The following C2CD5 variants were observed in gnomAD, a reference collection of about 807,000 sequenced individuals.
C2CD5 encodes the protein C2 calcium dependent domain containing 5.
Under a neutral mutation model 130.3 loss-of-function variants are expected in C2CD5, and 109 were observed. The observed-to-expected ratio is 0.84, with a 90% CI of 0.72 to 0.98. The LOEUF (loss-of-function observed/expected upper bound fraction) is 0.98. Ranked by LOEUF, C2CD5 falls within the 50% of genes least tolerant of loss-of-function variation. The pLI is 0.00. For missense variants in C2CD5, 996 were observed against 1,261.8 expected (o/e 0.79, Z 3.19); for synonymous variants, 454 against 429.2 (o/e 1.06, Z -0.71).
chr12:22,456,093 CTAGGCGCAGGAT>C (rs1171478578), intron 25 of C2CD5, among the ~76,000 whole-genome samples: 1 of 152,180 alleles, frequency 6.6e-6, no homozygotes, highest in Non-Finnish European at 1.5e-5. Context: ...AGCTACTGTG[CTAGGCGCAGGAT>C]GGTGAGTATG....
At chr12:22,472,922 T>C (rs1022636566) in intron 16 of C2CD5, 115 bp from the exon 17 acceptor site, 1 of 656,164 alleles carries the variant, frequency 1.5e-6, no homozygotes, top group Non-Finnish European at 2.7e-6. Context: ...TAAGTAAAAA[T>C]ATGTAACAAG....
In C2CD5 at chr12:22,529,305, GAGAA is replaced by G. The variant is rs1227990889; in HGVS notation, c.178-1417_178-1414del. Among the ~76,000 whole-genome samples, 50 of 152,238 alleles carry G rather than the reference GAGAA, an allele frequency of 3.3e-4. 1 individual carries two copies. The highest frequency in any genetic ancestry group is 1.1e-3 in the African/African-American group (46 of 41,550). The stretch of plus-strand genomic sequence containing the variant: ...ATTGTTATGTATACATTTAACAGAA[GAGAA>G]AGAATCATAAACCAAACCATTAACC... On this transcript the variant is annotated intron_variant, in intron 3 of 26. Transcript: ENST00000446597.
chr12:22,471,919 T>C (rs749643160), intron 19 of C2CD5, 48 bp downstream of exon 19: 1 of 1,026,782 alleles, frequency 9.7e-7, no homozygotes, highest in South Asian at 1.3e-5. Flanking sequence ...CACTTAAAAT[T>C]TCATTATTAT....
chr12:22,463,862 A>AT (rs1318338007), intron 22 of C2CD5: 1 of 152,208 alleles, frequency 6.6e-6, no homozygotes, highest in Non-Finnish European at 1.5e-5. Context: ...GGCAGATTAA[A>AT]ATATATGCAG....
At chr12:22,519,562 C>T (rs7313174) in intron 7 of C2CD5, among the ~76,000 whole-genome samples, 27,545 of 151,864 alleles carry the variant, frequency 0.18, 5,199 homozygotes, top group African/African-American at 0.48. Flanking sequence ...ACATATTTGT[C>T]ATTATTTTCA....
At position 22,454,016 on chromosome 12, in the gene C2CD5, A is replaced by C; in HGVS notation, c.2904T>G (p.His968Gln). 6.2e-7 allele frequency: 1 copy of C among 1,613,784 alleles called. No individual in the cohort carries two copies. Among genetic ancestry groups the C allele is most frequent in the Non-Finnish European group, 8.5e-7 (1 of 1,179,786 alleles). The change falls in exon 26 of 27, where the codon CAT (histidine) becomes CAG (glutamine). Residue 968 changes from histidine (H) to glutamine (Q), a missense_variant. By Grantham distance (24) the His-to-Gln change is conservative. Transcript: ENST00000446597. ...TTGCAAACACTTCAGCAATAAAAGC[A>C]TGGAGAAAACCACTGACTCCTCCTT... The part of the protein sequence containing the change: ...REEGGVSGFL[H>Q]AFIAEVFAMV...
At chr12:22,457,957 C>G (rs1026552442) in intron 24 of C2CD5, among the ~76,000 whole-genome samples, 66 of 152,180 alleles carry the variant, frequency 4.3e-4, no homozygotes, top group African/African-American at 1.5e-3. Flanking sequence ...AGTTTTTTCC[C>G]CCTTTTAATG....
intron 11 of C2CD5, among the ~76,000 whole-genome samples, chr12:22,490,536 T>C (rs1281134701): frequency 6.6e-6 from 1 of 152,138 alleles, no homozygotes; most frequent in East Asian, 1.9e-4. Flanking sequence ...CAGTAATAAA[T>C]TGTATTGCTG....
At chr12:22,459,155 A>C (rs1022875638) in intron 23 of C2CD5, among the ~76,000 whole-genome samples, 1 of 152,248 alleles carries the variant, frequency 6.6e-6, no homozygotes, top group East Asian at 1.9e-4. Flanking sequence ...TTGGGCAACA[A>C]AGCCTCTGAT....
At chr12:22,455,327 A>G (rs988890492) in intron 25 of C2CD5, among the ~76,000 whole-genome samples, 2 of 152,344 alleles carry the variant, frequency 1.3e-5, no homozygotes, top group Middle Eastern at 3.4e-3. Flanking sequence ...TAACTGTAAG[A>G]AAACGACTCA....
intron 2 of C2CD5, among the ~76,000 whole-genome samples, chr12:22,543,060 C>T (rs2137382839): frequency 6.6e-6 from 1 of 152,238 alleles, no homozygotes; most frequent in East Asian, 1.9e-4. Flanking sequence ...TGACAATGGG[C>T]AGGGGAGGCA....
intron 8 of C2CD5, chr12:22,514,970 A>AG (rs1358017745): frequency 1.0e-6 from 1 of 985,148 alleles, no homozygotes; most frequent in Non-Finnish European, 1.2e-6. Flanking sequence ...AGAAGCAGCC[A>AG]GGAACAGCTC....
intron 12 of C2CD5, among the ~76,000 whole-genome samples, chr12:22,486,146 C>T (rs186733868): frequency 9.3e-5 from 14 of 150,920 alleles, no homozygotes; most frequent in African/African-American, 2.7e-4. Context: ...CTAGTTTTGA[C>T]CTGCTACTTA....
At chr12:22,503,325 TA>T (rs2136661101) in intron 10 of C2CD5, among the ~76,000 whole-genome samples, 1 of 152,310 alleles carries the variant, frequency 6.6e-6, no homozygotes, top group East Asian at 1.9e-4. Flanking sequence ...GTCACAAAAT[TA>T]AAACATCATC....
intron 3 of C2CD5, chr12:22,534,806 C>T (rs1951670818): frequency 6.5e-6 from 1 of 154,774 alleles, no homozygotes; most frequent in Non-Finnish European, 1.4e-5. Flanking sequence ...AGTGAGTACA[C>T]AATTTCCATT....
rs1241130281 is a variant in C2CD5 at position 22,471,013 on chromosome 12, CT to C, written c.2359-103del. 5 of 697,858 alleles carry C rather than the reference CT, an allele frequency of 7.2e-6. No homozygotes were observed. In the South Asian group the frequency reaches 7.3e-5, roughly 10 times the overall value. The allele number at this position is 697,858 out of a possible 1,614,324, so 43.2% of individuals were successfully genotyped here. On this transcript the variant is annotated intron_variant, in intron 20 of 26. Transcript: ENST00000446597. ...CCACGGAACAACCTACACCAAATAC[CT>C]TTTCTGGTTAAAATCCTCAACCAGA... is the stretch of plus-strand genomic sequence containing the variant.
chr12:22,449,827 A>G lies in C2CD5; in HGVS notation c.3089T>C (p.Val1030Ala), dbSNP rs1226066801. Residue 1030 changes from valine to alanine, a missense_variant, in exon 27 of 27, where the codon GTG becomes GCG. This residue lies in a region of C2CD5 where 48 missense variants were observed against 46.4 expected (regional missense o/e 1.03). Coordinates refer to ENST00000446597, the MANE Select transcript of C2CD5 (RefSeq NM_001286176.2). Reference sequence around the variant, plus strand: ...GGTAGTAGGTTGCTGAGATGACACCACTTCTAAGTCAGATTCACGAACAAA... The same window carrying G: ...GGTAGTAGGTTGCTGAGATGACACCGCTTCTAAGTCAGATTCACGAACAAA... ...VVFVRESDLE[V>A]VSSQQPTTNC... is the part of the protein sequence containing the mutation. 3 of 1,611,440 alleles carry G rather than the reference A, an allele frequency of 1.9e-6. No homozygotes were observed. Among genetic ancestry groups the G allele is most frequent in the Non-Finnish European group, 2.5e-6 (3 of 1,178,034 alleles).
intron 22 of C2CD5, 41 bp downstream of exon 22, chr12:22,469,668 A>C: frequency 4.7e-6 from 6 of 1,266,218 alleles, no homozygotes; most frequent in Non-Finnish European, 6.7e-6. Context: ...AAGGAACTAG[A>C]AACCAGGATT....
chr12:22,493,263 AGCCTAAT>A lies in C2CD5; in HGVS notation c.1215_1221del (p.Leu406ValfsTer4). ...TCACTGTAGCCCACTACAGCATGAC[AGCCTAAT>A]GCTTTAGCATGTGATTTTATTTCTT... On this transcript the variant is annotated frameshift_variant, in exon 11 of 27. Coordinates refer to ENST00000446597, the MANE Select transcript of C2CD5 (RefSeq NM_001286176.2). LOFTEE classifies it high-confidence loss of function. 3.1e-6 allele frequency: 5 copies of A among 1,611,422 alleles called. No individual in the cohort carries two copies.
Sources: allele counts gnomAD v4.1 joint callset (sites outside exome capture counted in the v4.1 genomes callset), GRCh38; gene constraint gnomAD v4.1.1; regional missense constraint gnomAD v4.1.1; transcripts MANE v1.5; gene names NCBI Gene and HGNC (gene_info 2026-07-23, HGNC 2026-07-21).